INO80: variants seen among roughly 807,000 people sequenced by gnomAD.
INO80 encodes INO80 complex ATPase subunit, also known as chromatin-remodeling ATPase INO80.
INO80 carries 20 observed loss-of-function variants against 203.4 expected under a neutral mutation model. The ratio of observed to expected loss-of-function variants is 0.10; its 90% CI spans 0.07 to 0.14. The LOEUF (loss-of-function observed/expected upper bound fraction) is 0.14, where lower values mean the gene tolerates loss of function less well. Among genes scored for constraint, INO80 ranks in the 10% least tolerant of loss-of-function variants. The pLI, the probability that INO80 is intolerant of heterozygous loss-of-function variation, is 1.00. For missense variants in INO80, 1,419 were observed against 1,914.4 expected (o/e 0.74, Z 4.83); for synonymous variants, 726 against 685.2 (o/e 1.06, Z -0.93).
intron 28 of INO80, among the ~76,000 whole-genome samples, chr15:41,001,729 T>G (rs1347301837): frequency 6.6e-6 from 1 of 152,184 alleles, no homozygotes; most frequent in East Asian, 1.9e-4. Flanking sequence ...TCAGTCAGAC[T>G]TTTTCCTGGA....
At chr15:41,099,062 T>C (rs1469209984) in intron 1 of INO80, among the ~76,000 whole-genome samples, 1 of 151,334 alleles carries the variant, frequency 6.6e-6, no homozygotes, top group African/African-American at 2.4e-5. Context: ...CTGGGCAACA[T>C]AGCAGGACCG....
intron 11 of INO80, among the ~76,000 whole-genome samples, chr15:41,072,636 C>T (rs537653600): frequency 2.9e-5 from 4 of 138,414 alleles, no homozygotes; most frequent in Admixed American, 1.5e-4. Context: ...GCAAGACTCC[C>T]GCCTCAAAAA....
intron 18 of INO80, among the ~76,000 whole-genome samples, chr15:41,054,319 G>A (rs2044944459): frequency 6.6e-6 from 1 of 152,134 alleles, no homozygotes; most frequent in African/African-American, 2.4e-5. Flanking sequence ...GAGACTCTCA[G>A]TGTTCCCCAA....
At chr15:41,011,505 G>C (rs758389468) in intron 27 of INO80, 10 of 151,976 alleles carry the variant, frequency 6.6e-5, no homozygotes, top group African/African-American at 9.7e-5. Context: ...CAGCATGGTT[G>C]TAAGCTGACA....
chr15:41,051,128 C>CAAAA lies in INO80; in HGVS notation c.2275-1030_2275-1027dup, dbSNP rs368535813. Among the ~76,000 whole-genome samples, 30 of 78,510 alleles carry CAAAA rather than the reference C, an allele frequency of 3.8e-4. 1 individual carries two copies. The highest frequency in any genetic ancestry group is 7.4e-4 in the African/African-American group (11 of 14,778). 51.5% of individuals were successfully genotyped at this position (78,510 alleles called of 152,430 possible). On this transcript the variant is annotated intron_variant, in intron 19 of 35. Coordinates refer to ENST00000648947, the MANE Select transcript of INO80 (RefSeq NM_017553.3). The stretch of plus-strand genomic sequence containing the variant: ...TGGGTGACAGAATGAGACTCCATCT[C>CAAAA]AAAAAAAAAAAAAAAGAAAGTTCTC...
intron 7 of INO80, among the ~76,000 whole-genome samples, chr15:41,081,312 T>C (rs2045481383): frequency 6.6e-6 from 1 of 152,258 alleles, no homozygotes; most frequent in Middle Eastern, 3.4e-3. Flanking sequence ...CTGTATACTT[T>C]TGGGAAGATG....
At position 41,057,945 on chromosome 15, in the gene INO80, G is replaced by C. The variant is rs2045024587; in HGVS notation, c.1985+694C>G. ...TAATAAAAAAAATATCAAGCCTGAG[G>C]TTTAATATCACCAAATAACACTTTT... On this transcript the variant is annotated intron_variant, in intron 16 of 35. Coordinates refer to ENST00000648947, the MANE Select transcript of INO80 (RefSeq NM_017553.3). 2.0e-5 allele frequency among the ~76,000 whole-genome samples: 3 copies of C among 151,874 alleles called. No homozygotes were observed. In the South Asian group the frequency reaches 6.2e-4, roughly 31 times the overall value.
chr15:41,073,517 T>G (rs560376606), intron 10 of INO80, 22 bp from the exon 11 acceptor site: 1 of 1,543,368 alleles, frequency 6.5e-7, no homozygotes, highest in Non-Finnish European at 9.0e-7. Flanking sequence ...AATTTATGGA[T>G]TATCACACTT....
chr15:41,094,288 C>T (rs1160247233), intron 4 of INO80, among the ~76,000 whole-genome samples: 5 of 152,186 alleles, frequency 3.3e-5, no homozygotes, highest in Non-Finnish European at 5.9e-5. Flanking sequence ...CCACCATCCT[C>T]CTCATTCACT....
chr15:41,027,868 A>G, intron 24 of INO80, 132 bp from the exon 25 acceptor site: 1 of 612,622 alleles, frequency 1.6e-6, no homozygotes, highest in Non-Finnish European at 2.7e-6. Context: ...ATTCTAATAA[A>G]CAACCACTAA....
At chr15:40,997,728 G>A (rs968052964) in intron 28 of INO80, 127 bp from the exon 29 acceptor site, 12 of 641,428 alleles carry the variant, frequency 1.9e-5, no homozygotes, top group Non-Finnish European at 3.4e-5. Context: ...TGGTTACCTA[G>A]GCCTGACTGT....
At chr15:41,098,184 C>G (rs1692724848) in intron 1 of INO80, among the ~76,000 whole-genome samples, 1 of 152,126 alleles carries the variant, frequency 6.6e-6, no homozygotes, top group African/African-American at 2.4e-5. Flanking sequence ...AATCATACAT[C>G]TTTGAGTTGT....
At chr15:41,078,060 C>G (rs370250178) in intron 9 of INO80, among the ~76,000 whole-genome samples, 1 of 151,848 alleles carries the variant, frequency 6.6e-6, no homozygotes, top group African/African-American at 2.4e-5. Flanking sequence ...CCACCATGCC[C>G]GGCTAATTTT....
At chr15:41,026,559 A>AT (rs1228328458) in intron 25 of INO80, among the ~76,000 whole-genome samples, 2 of 151,994 alleles carry the variant, frequency 1.3e-5, no homozygotes, top group Non-Finnish European at 2.9e-5. Flanking sequence ...TCTCAAAAGC[A>AT]TTAAAAAAAA....
At chr15:41,060,327 G>A (rs775498585) in intron 14 of INO80, among the ~76,000 whole-genome samples, 5 of 152,096 alleles carry the variant, frequency 3.3e-5, no homozygotes, top group Non-Finnish European at 5.9e-5. Flanking sequence ...GGTAGCTCAC[G>A]CCTGTAATCC....
At chr15:41,098,587 T>G (rs575648170) in intron 1 of INO80, among the ~76,000 whole-genome samples, 3 of 151,956 alleles carry the variant, frequency 2.0e-5, no homozygotes, top group Non-Finnish European at 4.4e-5. Context: ...AGTGGGAGGA[T>G]CACTTACAGC....
At chr15:41,036,153 C>T (rs1343665612) in intron 24 of INO80, among the ~76,000 whole-genome samples, 76 of 68,262 alleles carry the variant, frequency 1.1e-3, no homozygotes, top group African/African-American at 4.3e-3. Flanking sequence ...GCAACTCTCT[C>T]TCGAAAAAAA....
intron 24 of INO80, among the ~76,000 whole-genome samples, chr15:41,028,484 T>C (rs1566917525): frequency 6.6e-6 from 1 of 152,242 alleles, no homozygotes; most frequent in Non-Finnish European, 1.5e-5. Context: ...ATTTGTTTTC[T>C]TATTAATTTA....
chr15:41,016,318 C>T lies in INO80; in HGVS notation c.3275-103G>A, dbSNP rs938961434. 1.1e-5 allele frequency: 13 copies of T among 1,138,222 alleles called. No homozygotes were observed. In the African/African-American group the frequency reaches 1.6e-4, roughly 14 times the overall value. The allele number at this position is 1,138,222 out of a possible 1,614,324, so 70.5% of individuals were successfully genotyped here. A position where few individuals can be genotyped will look rare whatever the true frequency, so the allele number is the denominator to read the frequency against. ...AACCACAATCACTAAAACCAAGATGCTTGTCATCATGAGATCAGAAAAGTG... is the reference window on the plus strand; with the variant it reads ...AACCACAATCACTAAAACCAAGATGTTTGTCATCATGAGATCAGAAAAGTG... On this transcript the variant is annotated intron_variant, in intron 26 of 35. Transcript: ENST00000648947.
Sources: gnomAD v4.1 joint callset for allele counts (sites outside exome capture counted in the v4.1 genomes callset) on GRCh38, gnomAD v4.1.1 for gene constraint, MANE v1.5 for transcripts, NCBI Gene and HGNC (gene_info 2026-07-23, HGNC 2026-07-21) for gene names.